MGST2: variants seen among roughly 807,000 people sequenced by gnomAD.
MGST2 encodes the protein glutathione peroxidase MGST2.
MGST2 carries 9 observed loss-of-function variants against 16.6 expected under a neutral mutation model. The ratio of observed to expected loss-of-function variants is 0.54; its 90% confidence interval spans 0.33 to 0.95. The LOEUF (loss-of-function observed/expected upper bound fraction) is 0.95. Ranked by LOEUF, MGST2 falls within the 40% of genes least tolerant of loss-of-function variation. The pLI is 0.03. For missense variants in MGST2, 159 were observed against 175.1 expected (o/e 0.91, Z 0.52); for synonymous variants, 79 against 68.0 (o/e 1.16, Z -0.79).
chr4:139,718,965 T>TC (rs1427750810), intron 5 of MGST2: 2 of 217,452 alleles, frequency 9.2e-6, no homozygotes, highest in African/African-American at 4.6e-5. Flanking sequence ...AGGATACCTC[T>TC]CTTGGGTAAT....
At chr4:139,683,778 A>G (rs1356868715) in intron 2 of MGST2, among the ~76,000 whole-genome samples, 5 of 152,156 alleles carry the variant, frequency 3.3e-5, no homozygotes, top group African/African-American at 9.7e-5. Context: ...AAAGAGGTTT[A>G]ATTGGACTTA....
chr4:139,739,683 T>G (rs200691782), intron 5 of MGST2, among the ~76,000 whole-genome samples: 1 of 79,600 alleles, frequency 1.3e-5, no homozygotes, highest in Admixed American at 1.1e-4. Flanking sequence ...AAAGCAGTTT[T>G]TTTTTTTTTT....
At chr4:139,749,887 C>CT in the MGST2 span, among the ~76,000 whole-genome samples, 17 of 114,084 alleles carry the variant, frequency 1.5e-4, no homozygotes, top group African/African-American at 6.7e-4. Context: ...GAATAAGAAC[C>CT]CCCCCCCACC....
chr4:139,719,234 AC>A, intron 5 of MGST2: 1 of 1,456,874 alleles, frequency 6.9e-7, no homozygotes, highest in Non-Finnish European at 9.1e-7. Flanking sequence ...GGTCAAAAAA[AC>A]AAAAAACAAG....
chr4:139,674,324 G>C (rs180914517), intron 1 of MGST2, among the ~76,000 whole-genome samples: 1 of 152,192 alleles, frequency 6.6e-6, no homozygotes, highest in South Asian at 2.1e-4. Context: ...ACATTCTTTT[G>C]AGTTTCTGAT....
At chr4:139,666,954 T>A (rs1472611028) in intron 1 of MGST2, among the ~76,000 whole-genome samples, 1 of 152,208 alleles carries the variant, frequency 6.6e-6, no homozygotes, top group Non-Finnish European at 1.5e-5. Context: ...TGTATGAAGA[T>A]CTTGAACCTT....
At chr4:139,691,601 G>C (rs1353188350) in intron 2 of MGST2, among the ~76,000 whole-genome samples, 2 of 152,110 alleles carry the variant, frequency 1.3e-5, no homozygotes, top group African/African-American at 2.4e-5. Context: ...CCAATACTTG[G>C]TGCTTTCACC....
chr4:139,724,119 G>C (rs1039948), intron 5 of MGST2, among the ~76,000 whole-genome samples: 61,955 of 152,098 alleles, frequency 0.41, 14,113 homozygotes, highest in African/African-American at 0.61. Flanking sequence ...AACACCTGTG[G>C]ATAACTCAAT....
intron 3 of MGST2, among the ~76,000 whole-genome samples, chr4:139,703,036 C>T (rs1223889369): frequency 6.6e-6 from 1 of 151,584 alleles, no homozygotes; most frequent in Non-Finnish European, 1.5e-5. Flanking sequence ...AACGATTCTC[C>T]TGCCTCAGCT....
chr4:139,684,466 A>G (rs569659451), intron 2 of MGST2, among the ~76,000 whole-genome samples: 1 of 152,292 alleles, frequency 6.6e-6, no homozygotes, highest in East Asian at 1.9e-4. Flanking sequence ...ATCTGAATAA[A>G]GGAGATCTTA....
At chr4:139,727,677 G>T (rs147387168) in intron 5 of MGST2, among the ~76,000 whole-genome samples, 37 of 152,290 alleles carry the variant, frequency 2.4e-4, no homozygotes, top group African/African-American at 8.7e-4. Flanking sequence ...TTGAACTTTT[G>T]GAGAATACGG....
downstream of MGST2, among the ~76,000 whole-genome samples, chr4:139,709,092 T>TC (rs1727641382): frequency 7.5e-6 from 1 of 132,844 alleles, no homozygotes; most frequent in African/African-American, 2.8e-5. Context: ...TTTTTTTTTT[T>TC]TTTTTTTTGA....
intron 5 of MGST2, chr4:139,725,838 A>G: frequency 6.2e-7 from 1 of 1,613,318 alleles, no homozygotes; most frequent in East Asian, 2.2e-5. Context: ...TGCAACTGCT[A>G]GAACAACAGA....
At chr4:139,744,413 C>T (rs955827626), downstream of MGST2, among the ~76,000 whole-genome samples, 1 of 152,104 alleles carries the variant, frequency 6.6e-6, no homozygotes, top group African/African-American at 2.4e-5. Context: ...TATACCACCC[C>T]CCAGGAGCAT....
chr4:139,712,014 G>A (rs1727762187), intron 5 of MGST2, among the ~76,000 whole-genome samples: 1 of 152,200 alleles, frequency 6.6e-6, no homozygotes, highest in African/African-American at 2.4e-5. Context: ...GTGATATCTG[G>A]AAGATTAATA....
At chr4:139,730,576 G>A (rs1399708676) in intron 5 of MGST2, 21 of 1,605,620 alleles carry the variant, frequency 1.3e-5, no homozygotes, top group Non-Finnish European at 1.8e-5. Context: ...GGGGCCTGCG[G>A]GACTGGCTCC....
chr4:139,687,182 T>C (rs1256374862), intron 2 of MGST2, among the ~76,000 whole-genome samples: 2 of 152,230 alleles, frequency 1.3e-5, no homozygotes, highest in Non-Finnish European at 2.9e-5. Context: ...TGACGATCAA[T>C]AATCAGGACA....
downstream of MGST2, among the ~76,000 whole-genome samples, chr4:139,742,279 G>A (rs1215433749): frequency 6.6e-6 from 1 of 152,006 alleles, no homozygotes; most frequent in African/African-American, 2.4e-5. Context: ...CTCCCTAGTA[G>A]CTGGGATTAC....
chr4:139,683,522 A>G (rs1383385754), intron 2 of MGST2, among the ~76,000 whole-genome samples: 2 of 152,120 alleles, frequency 1.3e-5, no homozygotes, highest in African/African-American at 4.8e-5. Context: ...ATTGTTTATG[A>G]TTGCATCATA....
Sources: allele counts gnomAD v4.1 joint callset (sites outside exome capture counted in the v4.1 genomes callset), GRCh38; gene constraint gnomAD v4.1.1; transcripts MANE v1.5; gene names NCBI Gene and HGNC (gene_info 2026-07-23, HGNC 2026-07-21).